RIPPLY3: variants seen among roughly 807,000 people sequenced by gnomAD.
The protein encoded by RIPPLY3 is protein ripply3.
Under a neutral mutation model 11.9 loss-of-function variants are expected in RIPPLY3, and 8 were observed. The observed-to-expected ratio is 0.67, with a 90% CI of 0.40 to 1.21. The LOEUF is 1.21. Ranked by LOEUF, RIPPLY3 falls within the 50% of genes most tolerant of loss-of-function variation. The pLI, the probability that RIPPLY3 is intolerant of heterozygous loss-of-function variation, is 0.01. For missense variants in RIPPLY3, 271 were observed against 246.0 expected (o/e 1.10, Z -0.68); for synonymous variants, 102 against 99.0 (o/e 1.03, Z -0.18).
At chr21:37,010,667 T>C (rs76122093) in intron 2 of RIPPLY3, among the ~76,000 whole-genome samples, 3,094 of 152,246 alleles carry the variant, frequency 0.02, 52 homozygotes, top group African/African-American at 0.04. Flanking sequence ...CCTGGCCACT[T>C]GCGGGCACTG....
chr21:37,018,670 C>G lies in RIPPLY3; in HGVS notation c.*463C>G, dbSNP rs2146781866. On this transcript the variant is annotated 3_prime_UTR_variant, in exon 4 of 4. Transcript: ENST00000329553. ...AAGGGTAGATGTAGTTGCTTAGTAG[C>G]ATTTTGGAAAAAAAAGAAAAAAAGG... 6.5e-6 allele frequency: 1 copy of G among 153,360 alleles called. No individual in the cohort carries two copies. The highest frequency in any genetic ancestry group is 1.9e-4 in the East Asian group (1 of 5,200). The allele number at this position is 153,360 out of a possible 1,614,324, so 9.5% of individuals were successfully genotyped here.
At chr21:37,010,920 A>T (rs2069515011) in intron 2 of RIPPLY3, among the ~76,000 whole-genome samples, 1 of 152,208 alleles carries the variant, frequency 6.6e-6, no homozygotes, top group Admixed American at 6.5e-5. Flanking sequence ...TTTCATTATA[A>T]AATGTGAATA....
At position 37,017,971 on chromosome 21, in the gene RIPPLY3, G is replaced by A. The variant is rs747419773; in HGVS notation, c.337G>A (p.Asp113Asn). 1.3e-5 allele frequency: 21 copies of A among 1,614,018 alleles called. No individual in the cohort carries two copies. In the East Asian group the frequency reaches 2.9e-4, roughly 22 times the overall value. The change falls in exon 4 of 4, where the codon GAC becomes AAC. Residue 113 changes from aspartate (D) to asparagine (N), a missense_variant. Asp to Asn is a conservative substitution (Grantham distance 23). Transcript: ENST00000329553. ...FPVQATIDFY[D>N]DESTESASEA... is the part of the protein sequence containing the mutation. The stretch of plus-strand genomic sequence containing the variant: ...AGTGCAAGCCACGATTGACTTCTAC[G>A]ACGATGAGTCTACTGAGTCTGCTTC...
At chr21:37,006,564 T>A, upstream of RIPPLY3, 1 of 360,884 alleles carries the variant, frequency 2.8e-6, no homozygotes. This position sits in a 1 kb window ranked among gnomAD's most constrained non-coding sequence, Gnocchi z 5.2. Flanking sequence ...CCTCCGCTCC[T>A]CCGACCCGGG....
At position 37,018,321 on chromosome 21, in the gene RIPPLY3, T is replaced by A; in HGVS notation, c.*114T>A. The A allele has an allele frequency of 1.2e-6, 1 of 857,482 alleles. No individual in the cohort carries two copies. The highest frequency in any genetic ancestry group is 1.9e-6 in the Non-Finnish European group (1 of 538,394). The allele number at this position is 857,482 out of a possible 1,614,324, so 53.1% of individuals were successfully genotyped here. ...TGAGTGTGCAGAGGCTAGAGGCTTC[T>A]CGGGCAGCCCCTGGCCTGCACACTA... On this transcript the variant is annotated 3_prime_UTR_variant, in exon 4 of 4. Transcript: ENST00000329553.
At chr21:37,013,929 G>A (rs568651652) in intron 3 of RIPPLY3, among the ~76,000 whole-genome samples, 1 of 152,230 alleles carries the variant, frequency 6.6e-6, no homozygotes, top group Admixed American at 6.5e-5. Context: ...AATTGTATAT[G>A]CATATACAAA....
chr21:37,009,684 G>A lies in RIPPLY3; in HGVS notation c.171+1461G>A, dbSNP rs553062902. Among the ~76,000 whole-genome samples, 8 of 152,294 alleles carry A rather than the reference G, an allele frequency of 5.3e-5. No individual in the cohort carries two copies. In the East Asian group the frequency reaches 1.5e-3, roughly 29 times the overall value. ...TTCTTGCAGGAATAAAAATACGATA[G>A]CACGCTCCCTAAGTAAGACAGATGG... On this transcript the variant is annotated intron_variant, in intron 2 of 3. Coordinates refer to ENST00000329553, the MANE Select transcript of RIPPLY3 (RefSeq NM_018962.3).
chr21:37,019,639 C>T lies in RIPPLY3; in HGVS notation c.*1432C>T, dbSNP rs1054164961. The T allele has an allele frequency of 5.9e-5, 9 of 152,060 alleles. No individual in the cohort carries two copies. Among genetic ancestry groups the T allele is most frequent in the African/African-American group, 2.2e-4 (9 of 41,378 alleles). 9.4% of individuals were successfully genotyped at this position (152,060 alleles called of 1,614,324 possible). A position where few individuals can be genotyped will look rare whatever the true frequency, so the allele number is the denominator to read the frequency against. On this transcript the variant is annotated 3_prime_UTR_variant, in exon 4 of 4. Coordinates refer to ENST00000329553, the MANE Select transcript of RIPPLY3 (RefSeq NM_018962.3). Reference sequence around the variant, plus strand: ...ATATAGTACATTATATCAATTTCTACTTGAAATAAATATTTTGAAAGAATG... The same window carrying T: ...ATATAGTACATTATATCAATTTCTATTTGAAATAAATATTTTGAAAGAATG...
At chr21:37,014,923 TCA>T (rs2069562495) in intron 3 of RIPPLY3, among the ~76,000 whole-genome samples, 1 of 152,216 alleles carries the variant, frequency 6.6e-6, no homozygotes, top group Non-Finnish European at 1.5e-5. Context: ...AGACAAGGTC[TCA>T]CTATATTGCC....
intron 3 of RIPPLY3, among the ~76,000 whole-genome samples, chr21:37,014,698 A>T (rs2069560590): frequency 6.6e-6 from 1 of 152,210 alleles, no homozygotes; most frequent in Non-Finnish European, 1.5e-5. Context: ...CAGACTGGTC[A>T]GAAGGAAGCT....
chr21:37,016,408 T>C (rs1290439587), intron 3 of RIPPLY3, among the ~76,000 whole-genome samples: 1 of 152,102 alleles, frequency 6.6e-6, no homozygotes, highest in East Asian at 1.9e-4. Context: ...TATAGAAGGG[T>C]GTTTTCTCTC....
Position 37,006,868 on chromosome 21 carries a change from G to A in RIPPLY3, c.96G>A (p.Gly32=). 1 of 1,219,580 alleles carries A rather than the reference G, an allele frequency of 8.2e-7. No homozygotes were observed. Among genetic ancestry groups the A allele is most frequent in the Non-Finnish European group, 1.0e-6 (1 of 979,816 alleles). 75.5% of individuals were successfully genotyped at this position (1,219,580 alleles called of 1,614,324 possible). ...DAPWRPPPPR[G]PESPAPWRPW... ...CCTGGAGGCCTCCGCCACCGCGCGG[G>A]CCGGAGAGGTGAGGGTGGCCCCGCG... Residue 32 remains glycine, a synonymous_variant, in exon 1 of 4, where the codon GGG becomes GGA. Coordinates refer to ENST00000329553, the MANE Select transcript of RIPPLY3 (RefSeq NM_018962.3). The surrounding 1 kb of genome is among the most constrained non-coding windows in gnomAD (Gnocchi z 5.2).
At chr21:37,013,247 G>A (rs532517691) in intron 2 of RIPPLY3, among the ~76,000 whole-genome samples, 34 of 152,228 alleles carry the variant, frequency 2.2e-4, no homozygotes, top group Admixed American at 1.6e-3. Context: ...GTATCTTACC[G>A]TGTGATGCTT....
At position 37,017,877 on chromosome 21, in the gene RIPPLY3, C is replaced by T; in HGVS notation, c.243C>T (p.Val81=). ...ATATTTGTTTCTTAAATATTAGAGT[C>T]TATTTACCCATGTCAAAGCGTCAAG... ...GAFGFQHPVR[V]YLPMSKRQEY... The change falls in exon 4 of 4, where the codon GTC becomes GTT. Residue 81 remains valine, a synonymous_variant. Coordinates refer to ENST00000329553, the MANE Select transcript of RIPPLY3 (RefSeq NM_018962.3). 1 of 1,608,978 alleles carries T rather than the reference C, an allele frequency of 6.2e-7. No individual in the cohort carries two copies. The highest frequency in any genetic ancestry group is 1.1e-5 in the South Asian group (1 of 90,224).
rs139584868 is a variant in RIPPLY3, at chr21:37,016,976, T to C, written c.240-898T>C. On this transcript the variant is annotated intron_variant, in intron 3 of 3. Coordinates refer to ENST00000329553, the MANE Select transcript of RIPPLY3 (RefSeq NM_018962.3). The stretch of plus-strand genomic sequence containing the variant: ...TTCGAGACCAGCCTGACCAACATGG[T>C]GAAACTCCGTCTCTACTAAATACAA... Among the ~76,000 whole-genome samples the C allele has an allele frequency of 1.1e-3, 163 of 152,022 alleles. 1 individual carries two copies. Among genetic ancestry groups the C allele is most frequent in the African/African-American group, 3.6e-3 (149 of 41,468 alleles).
intron 2 of RIPPLY3, among the ~76,000 whole-genome samples, chr21:37,011,098 G>C (rs969625213): frequency 1.3e-5 from 2 of 151,978 alleles, no homozygotes; most frequent in Non-Finnish European, 2.9e-5. Context: ...CTGCCTCCCA[G>C]GTTCAAGCGA....
At chr21:37,010,797 G>C (rs898221994) in intron 2 of RIPPLY3, among the ~76,000 whole-genome samples, 1 of 152,178 alleles carries the variant, frequency 6.6e-6, no homozygotes, top group African/African-American at 2.4e-5. Flanking sequence ...GGAGGAGAAG[G>C]CTGACCCCCA....
chr21:37,013,246 C>T (rs77700620), intron 2 of RIPPLY3, among the ~76,000 whole-genome samples: 1,716 of 152,228 alleles, frequency 0.011, 32 homozygotes, highest in East Asian at 0.074. Flanking sequence ...GGTATCTTAC[C>T]GTGTGATGCT....
In RIPPLY3 at chr21:37,013,610, T is replaced by C; in HGVS notation, c.231T>C (p.His77=). ...FGSKGAFGFQ[H]PVRVYLPMSK... ...CAAAGGGAGCCTTTGGGTTTCAGCA[T>C]CCTGTAAGGTAATATACGACTTCAC... is the stretch of plus-strand genomic sequence containing the variant. Residue 77 remains histidine, a synonymous_variant, in exon 3 of 4, where the codon CAT becomes CAC. Coordinates refer to ENST00000329553, the MANE Select transcript of RIPPLY3 (RefSeq NM_018962.3). 8 of 1,613,300 alleles carry C rather than the reference T, an allele frequency of 5.0e-6. No individual in the cohort carries two copies. The highest frequency in any genetic ancestry group is 6.8e-6 in the Non-Finnish European group (8 of 1,179,360).
Sources: allele counts gnomAD v4.1 joint callset (sites outside exome capture counted in the v4.1 genomes callset), GRCh38; gene constraint gnomAD v4.1.1; non-coding constraint Gnocchi (gnomAD v3.1); transcripts MANE v1.5; gene names NCBI Gene and HGNC (gene_info 2026-07-23, HGNC 2026-07-21).